The following SAMD3 variants were observed in gnomAD, a reference collection of about 807,000 sequenced individuals.
SAMD3 encodes the protein sterile alpha motif domain containing 3.
A neutral mutation model predicts 58.5 loss-of-function variants in SAMD3; 63 were observed. That is an observed-to-expected ratio of 1.08 (90% confidence interval 0.88 to 1.33). SAMD3 has a LOEUF of 1.33. Ranked by LOEUF, SAMD3 falls within the 40% of genes most tolerant of loss-of-function variation. The pLI is 0.00. For synonymous variants in SAMD3, 220 were observed against 210.3 expected (o/e 1.05, Z -0.40); for missense variants, 604 against 608.4 (o/e 0.99, Z 0.08).
chr6:130,352,424 G>A (rs368636911), intron 1 of SAMD3, among the ~76,000 whole-genome samples: 6 of 151,770 alleles, frequency 4.0e-5, no homozygotes, highest in African/African-American at 9.7e-5. Context: ...TTCACTTTAC[G>A]ACTTTTCTTA....
chr6:130,318,928 G>C (rs1360111155), intron 1 of SAMD3, among the ~76,000 whole-genome samples: 1 of 152,100 alleles, frequency 6.6e-6, no homozygotes, highest in Non-Finnish European at 1.5e-5. Context: ...CTAGAGAAAA[G>C]ATTGAACTGT....
intron 2 of SAMD3, among the ~76,000 whole-genome samples, chr6:130,301,713 T>C (rs754815298): frequency 3.3e-5 from 5 of 152,092 alleles, no homozygotes; most frequent in Non-Finnish European, 7.4e-5. Context: ...CAAAACAGCA[T>C]TGTAATAGTG....
At chr6:130,300,482 T>A (rs1775709589) in intron 2 of SAMD3, among the ~76,000 whole-genome samples, 1 of 152,078 alleles carries the variant, frequency 6.6e-6, no homozygotes, top group Non-Finnish European at 1.5e-5. Context: ...CTCAAAATAA[T>A]AAGAGCCATT....
At chr6:130,359,391 T>C (rs1777923352) in intron 1 of SAMD3, among the ~76,000 whole-genome samples, 1 of 152,220 alleles carries the variant, frequency 6.6e-6, no homozygotes, top group Non-Finnish European at 1.5e-5. Flanking sequence ...TGATTCTTCC[T>C]ACACTTCTCT....
chr6:130,239,570 A>T (rs994549593), intron 2 of SAMD3, among the ~76,000 whole-genome samples: 1 of 152,196 alleles, frequency 6.6e-6, no homozygotes, highest in Admixed American at 6.5e-5. Context: ...TATGAAGTCC[A>T]ACTACTTCTA....
chr6:130,358,552 T>C (rs909362247), intron 1 of SAMD3, among the ~76,000 whole-genome samples: 1 of 152,124 alleles, frequency 6.6e-6, no homozygotes, highest in African/African-American at 2.4e-5. Context: ...GGCTTGATGG[T>C]TGTTGTTGTT....
At chr6:130,220,862 CTT>C (rs879492670) in intron 1 of SAMD3, among the ~76,000 whole-genome samples, 5 of 146,092 alleles carry the variant, frequency 3.4e-5, no homozygotes, top group Admixed American at 6.9e-5. Context: ...CTGAAAATAT[CTT>C]TTTTTTTTTT....
intron 7 of SAMD3, among the ~76,000 whole-genome samples, chr6:130,179,640 G>A (rs1398264693): frequency 4.6e-5 from 7 of 150,542 alleles, no homozygotes; most frequent in African/African-American, 1.7e-4. Context: ...ACATAATAAC[G>A]AATGCAATGC....
intron 9 of SAMD3, among the ~76,000 whole-genome samples, chr6:130,153,585 T>G (rs192204462): frequency 4.5e-4 from 67 of 149,280 alleles, no homozygotes; most frequent in Admixed American, 1.2e-3. Context: ...TGAAAGAACC[T>G]TGAATGGCCA....
At chr6:130,223,734 G>C (rs1363574287), upstream of SAMD3, among the ~76,000 whole-genome samples, 3 of 152,194 alleles carry the variant, frequency 2.0e-5, no homozygotes, top group Admixed American at 2.0e-4. Flanking sequence ...CAAACCCCTA[G>C]AGGGAGCATG....
chr6:130,355,161 C>T (rs1358054292), intron 1 of SAMD3, among the ~76,000 whole-genome samples: 14 of 152,276 alleles, frequency 9.2e-5, no homozygotes, highest in African/African-American at 2.4e-4. Flanking sequence ...CGGTGGCTCA[C>T]GCCTGTGATC....
chr6:130,150,940 G>A (rs1291502807), intron 9 of SAMD3, among the ~76,000 whole-genome samples: 1 of 151,992 alleles, frequency 6.6e-6, no homozygotes, highest in Non-Finnish European at 1.5e-5. Flanking sequence ...TCGAACTCCC[G>A]ACCTCAAGTG....
At chr6:130,257,280 G>C (rs996882344) in intron 2 of SAMD3, among the ~76,000 whole-genome samples, 1 of 152,130 alleles carries the variant, frequency 6.6e-6, no homozygotes, top group Non-Finnish European at 1.5e-5. Context: ...AGCCTTCAGA[G>C]TTGTGAGAAA....
chr6:130,331,390 G>C (rs1035024742), intron 1 of SAMD3, among the ~76,000 whole-genome samples: 1 of 152,192 alleles, frequency 6.6e-6, no homozygotes, highest in African/African-American at 2.4e-5. Flanking sequence ...AATCTGAGTT[G>C]ATGAGGAAAG....
In SAMD3 at chr6:130,274,159, AT is replaced by A. The variant is rs547966822; in HGVS notation, c.-188+38818del. Among the ~76,000 whole-genome samples, 17 of 152,192 alleles carry A rather than the reference AT, an allele frequency of 1.1e-4. No individual in the cohort carries two copies. The East Asian group carries it at 3.3e-3, about 29-fold the overall frequency. On this transcript the variant is annotated intron_variant, in intron 2 of 13. Coordinates refer to the SAMD3 transcript ENST00000368134. Reference sequence around the variant, plus strand: ...GAAGAACAGTTTTGCTGGGTATCGTATTCTTGGTATACAGGATTTGTCTTTC... The same window carrying A: ...GAAGAACAGTTTTGCTGGGTATCGTATCTTGGTATACAGGATTTGTCTTTC...
chr6:130,239,985 T>C (rs1349839525), intron 2 of SAMD3, among the ~76,000 whole-genome samples: 3 of 152,144 alleles, frequency 2.0e-5, no homozygotes, highest in Non-Finnish European at 2.9e-5. Flanking sequence ...GCCAATATCA[T>C]GTAAATAGCT....
chr6:130,186,295 T>C (rs1445404062), intron 5 of SAMD3, among the ~76,000 whole-genome samples: 11 of 152,164 alleles, frequency 7.2e-5, no homozygotes, highest in African/African-American at 2.7e-4. Flanking sequence ...TAGGATTCTT[T>C]TAGCATTTTA....
At position 130,365,066 on chromosome 6, in the gene SAMD3, C is replaced by A. The variant is rs185801642; in HGVS notation, c.-304+54G>T. 8.8e-4 allele frequency: 524 copies of A among 594,496 alleles called. 6 individuals are homozygous for A. The African/African-American group carries it at 9.0e-3, about 10-fold the overall frequency. The allele number at this position is 594,496 out of a possible 1,614,324, so 36.8% of individuals were successfully genotyped here. The stretch of plus-strand genomic sequence containing the variant: ...ACACCTTGTGCATGCGGCTGGCCTG[C>A]ACAGGGGGTGGTTGGAATATCCGGT... On this transcript the variant is annotated intron_variant, in intron 1 of 13. Transcript: ENST00000368134.
At chr6:130,348,934 C>T (rs1464588697) in intron 1 of SAMD3, among the ~76,000 whole-genome samples, 76 of 152,184 alleles carry the variant, frequency 5.0e-4, no homozygotes, top group South Asian at 2.1e-3. Flanking sequence ...TCACTCAAAA[C>T]CACTCAACTA....
Sources: gnomAD v4.1 joint callset for allele counts (sites outside exome capture counted in the v4.1 genomes callset) on GRCh38, gnomAD v4.1.1 for gene constraint, MANE v1.5 for transcripts, NCBI Gene and HGNC (gene_info 2026-07-23, HGNC 2026-07-21) for gene names.